GDF5: variants seen among roughly 807,000 people sequenced by gnomAD.
GDF5 encodes growth differentiation factor 5.
GDF5 carries 17 observed loss-of-function variants against 34.6 expected under a neutral mutation model. That is an observed-to-expected ratio of 0.49 (90% CI 0.34 to 0.74). The LOEUF (loss-of-function observed/expected upper bound fraction) is 0.74, where lower values mean the gene tolerates loss of function less well. Among genes scored for constraint, GDF5 ranks in the 30% least tolerant of loss-of-function variants. The probability of loss-of-function intolerance (pLI) is 0.01; values close to 1 mark genes in which losing one functional copy is unlikely to be tolerated. For missense variants in GDF5, 616 were observed against 661.2 expected (o/e 0.93, Z 0.75); for synonymous variants, 332 against 290.7 (o/e 1.14, Z -1.44).
chr20:35,433,835 C>T lies in GDF5; in HGVS notation c.*74G>A, dbSNP rs781341372. 3 of 1,244,312 alleles carry T rather than the reference C, an allele frequency of 2.4e-6. No homozygotes were observed. The highest frequency in any genetic ancestry group is 2.4e-5 in the South Asian group (2 of 82,858). 77.1% of individuals were successfully genotyped at this position (1,244,312 alleles called of 1,614,324 possible). On this transcript the variant is annotated 3_prime_UTR_variant, in exon 2 of 2. Transcript: ENST00000374369. Reference sequence around the variant, plus strand: ...AGATGCTCCTGCCACAGCTTCCTGACCCCTCTGTGATTCCAGGAGTGCAGG... The same window carrying T: ...AGATGCTCCTGCCACAGCTTCCTGATCCCTCTGTGATTCCAGGAGTGCAGG...
Position 35,434,435 on chromosome 20 carries a change from A to C in GDF5, c.980T>G (p.Leu327Arg). ...ERGRAVDLRG[L>R]GFDRAARQVH... ...CTGCCGGGCGGCGCGGTCGAAGCCC[A>C]GGCCACGGAGGTCCACGGCCCTGCC... The change falls in exon 2 of 2, where the codon CTG becomes CGG. Residue 327 changes from leucine to arginine, a missense_variant. Coordinates refer to ENST00000374369, the MANE Select transcript of GDF5 (RefSeq NM_000557.5). The C allele has an allele frequency of 1.9e-6, 3 of 1,613,356 alleles. No homozygotes were observed. The highest frequency in any genetic ancestry group is 2.5e-6 in the Non-Finnish European group (3 of 1,179,740).
chr20:35,445,372 T>TA (rs923895389), intron 1 of GDF5, among the ~76,000 whole-genome samples: 1 of 150,990 alleles, frequency 6.6e-6, no homozygotes, highest in African/African-American at 2.4e-5. Context: ...TCTATAAAAA[T>TA]AAAAAAAACT....
upstream of GDF5, among the ~76,000 whole-genome samples, chr20:35,440,105 C>A (rs6120944): frequency 4.0e-5 from 6 of 151,026 alleles, no homozygotes; most frequent in Admixed American, 1.3e-4. Flanking sequence ...TTAGTAGAGA[C>A]GGAGTTTCAC....
chr20:35,433,404 A>C lies in GDF5; in HGVS notation c.*505T>G. On this transcript the variant is annotated 3_prime_UTR_variant, in exon 2 of 2. Coordinates refer to ENST00000374369, the MANE Select transcript of GDF5 (RefSeq NM_000557.5). Reference sequence around the variant, plus strand: ...ATATACATTTAAATCTAACAGTCTAACAGCCTCACACTCCTCAACTCTATC... The same window carrying C: ...ATATACATTTAAATCTAACAGTCTACCAGCCTCACACTCCTCAACTCTATC... 3.2e-6 allele frequency: 1 copy of C among 311,202 alleles called. No individual in the cohort carries two copies. The highest frequency in any genetic ancestry group is 6.3e-6 in the Non-Finnish European group (1 of 157,654). 19.3% of individuals were successfully genotyped at this position (311,202 alleles called of 1,614,324 possible). A position where few individuals can be genotyped will look rare whatever the true frequency, so the allele number is the denominator to read the frequency against.
chr20:35,446,456 GAGACAGGGTCTCA>G (rs2062514559), intron 1 of GDF5, among the ~76,000 whole-genome samples: 2 of 50,802 alleles, frequency 3.9e-5, no homozygotes, highest in African/African-American at 7.7e-5. Context: ...TTTTTTTTTT[GAGACAGGGTCTCA>G]CTCTGTCATC....
intron 1 of GDF5, 69 bp from the exon 2 acceptor site, chr20:35,434,852 G>A (rs1178236805): frequency 2.0e-6 from 3 of 1,503,038 alleles, no homozygotes; most frequent in Non-Finnish European, 2.8e-6. Flanking sequence ...GAGGCTGCGG[G>A]GGAAGGCCCC....
At chr20:35,451,042 GAAAAAA>G (rs1157980088) in intron 1 of GDF5, among the ~76,000 whole-genome samples, 4 of 16,524 alleles carry the variant, frequency 2.4e-4, no homozygotes, top group Admixed American at 1.2e-3. Flanking sequence ...TAGACTAACA[GAAAAAA>G]AAAAAAAAAA....
chr20:35,452,241 T>C (rs1341960010), intron 1 of GDF5, among the ~76,000 whole-genome samples: 1 of 152,198 alleles, frequency 6.6e-6, no homozygotes, highest in African/African-American at 2.4e-5. Context: ...ATTATTATGT[T>C]TTAATACAAT....
In GDF5 at chr20:35,434,458, G is replaced by A. The variant is rs1304660159; in HGVS notation, c.957C>T (p.Gly319=). 6.2e-7 allele frequency: 1 copy of A among 1,612,846 alleles called. No individual in the cohort carries two copies. The highest frequency in any genetic ancestry group is 1.7e-5 in the Admixed American group (1 of 59,878). ...CCAGGCCACGGAGGTCCACGGCCCTGCCCCGTTCCCAGGCCTCCAGCTCCA... is the reference window on the plus strand; with the variant it reads ...CCAGGCCACGGAGGTCCACGGCCCTACCCCGTTCCCAGGCCTCCAGCTCCA... ...LCLELEAWER[G]RAVDLRGLGF... The change falls in exon 2 of 2, where the codon GGC becomes GGT. Residue 319 remains glycine (G), a synonymous_variant. Coordinates refer to ENST00000374369, the MANE Select transcript of GDF5 (RefSeq NM_000557.5).
chr20:35,451,156 A>C (rs1034019896), intron 1 of GDF5, among the ~76,000 whole-genome samples: 22 of 147,808 alleles, frequency 1.5e-4, no homozygotes, highest in African/African-American at 5.4e-4. Flanking sequence ...ATATATATAT[A>C]TTTTTTAATT....
intron 1 of GDF5, among the ~76,000 whole-genome samples, chr20:35,436,643 T>C (rs1245983120): frequency 6.6e-6 from 1 of 152,136 alleles, no homozygotes; most frequent in Non-Finnish European, 1.5e-5. Context: ...ATCTAAAGTT[T>C]TCATGTTGGA....
In GDF5 at chr20:35,437,976, G is replaced by A. The variant is rs143384; in HGVS notation, c.-48C>T. On this transcript the variant is annotated 5_prime_UTR_variant, in exon 1 of 2. Coordinates refer to ENST00000374369, the MANE Select transcript of GDF5 (RefSeq NM_000557.5). ...CACCAAAGAGAACAGCGGCAGCAGC[G>A]AAGGTGCCTCTGGTTTGGCAGGAAA... is the stretch of plus-strand genomic sequence containing the variant. 0.56 allele frequency: 898,720 copies of A among 1,608,156 alleles called. 262,325 individuals carry two copies. The highest frequency in any genetic ancestry group is 0.74 in the East Asian group (33,192 of 44,794).
chr20:35,450,311 A>AG (rs924708880), intron 1 of GDF5, among the ~76,000 whole-genome samples: 1 of 152,070 alleles, frequency 6.6e-6, no homozygotes, highest in African/African-American at 2.4e-5. Context: ...GTAAAAAAAA[A>AG]AAAAAAGAAT....
rs2062452883 is a variant in GDF5 at position 35,433,678 on chromosome 20, G to T, written c.*231C>A. On this transcript the variant is annotated 3_prime_UTR_variant, in exon 2 of 2. Coordinates refer to ENST00000374369, the MANE Select transcript of GDF5 (RefSeq NM_000557.5). ...AGTCTGTCTCCCTGGACCTGTGCCT[G>T]CCACTGGTCACATCAGCAGACGGGC... is the stretch of plus-strand genomic sequence containing the variant. The T allele has an allele frequency of 1.7e-6, 1 of 597,712 alleles. No individual in the cohort carries two copies. The highest frequency in any genetic ancestry group is 3.0e-6 in the Non-Finnish European group (1 of 328,710). The allele number at this position is 597,712 out of a possible 1,614,324, so 37.0% of individuals were successfully genotyped here. A position where few individuals can be genotyped will look rare whatever the true frequency, so the allele number is the denominator to read the frequency against.
At chr20:35,437,023 C>A (rs981739599) in intron 1 of GDF5, among the ~76,000 whole-genome samples, 1 of 152,260 alleles carries the variant, frequency 6.6e-6, no homozygotes, top group Non-Finnish European at 1.5e-5. Flanking sequence ...AACTCTGCCA[C>A]GAACTGGCAG....
chr20:35,434,796 C>T lies in GDF5; in HGVS notation c.632-13G>A. ...GGACCTCGGTCATCTAGAGAGAACACCCAGAAGTCATTCCCTGCAACCTCA... is the reference window on the plus strand; with the variant it reads ...GGACCTCGGTCATCTAGAGAGAACATCCAGAAGTCATTCCCTGCAACCTCA... On this transcript the variant is annotated splice_polypyrimidine_tract_variant and intron_variant, in intron 1 of 1. Transcript: ENST00000374369. 6.2e-7 allele frequency: 1 copy of T among 1,612,640 alleles called. No individual in the cohort carries two copies. Among genetic ancestry groups the T allele is most frequent in the Non-Finnish European group, 8.5e-7 (1 of 1,179,810 alleles).
chr20:35,434,170 G>T lies in GDF5; in HGVS notation c.1245C>A (p.Asp415Glu). ...LHVNFKDMGW[D>E]DWIIAPLEYE... The stretch of plus-strand genomic sequence containing the variant: ...ACTCAAGGGGTGCGATGATCCAGTC[G>T]TCCCAGCCCATGTCCTTGAAGTTGA... The change falls in exon 2 of 2, where the codon GAC becomes GAA. Residue 415 changes from aspartate (D) to glutamate (E), a missense_variant. Coordinates refer to ENST00000374369, the MANE Select transcript of GDF5 (RefSeq NM_000557.5). The T allele has an allele frequency of 6.2e-7, 1 of 1,614,182 alleles. No individual in the cohort carries two copies. Among genetic ancestry groups the T allele is most frequent in the Non-Finnish European group, 8.5e-7 (1 of 1,180,030 alleles).
chr20:35,454,191 C>T (rs1212079253), intron 1 of GDF5: 3 of 366,670 alleles, frequency 8.2e-6, no homozygotes, highest in Non-Finnish European at 1.1e-5. Flanking sequence ...CGGTGGCTCA[C>T]GCCTGTAATC....
rs199666386 is a variant in GDF5, at chr20:35,437,761, G to A, written c.168C>T (p.Asn56=). The A allele has an allele frequency of 3.5e-5, 56 of 1,612,350 alleles. No homozygotes were observed. The highest frequency in any genetic ancestry group is 2.0e-4 in the East Asian group (9 of 44,852). The change falls in exon 1 of 2, where the codon AAC becomes AAT. Residue 56 remains asparagine, a synonymous_variant. Coordinates refer to ENST00000374369, the MANE Select transcript of GDF5 (RefSeq NM_000557.5). ...EAKERPPLAR[N]VFRPGGHSYG... ...AGCTGTGACCCCCTGGCCTGAAGAC[G>A]TTCCGGGCCAGGGGGGGCCTCTCCT...
Sources: gnomAD v4.1 joint callset for allele counts (sites outside exome capture counted in the v4.1 genomes callset) on GRCh38, gnomAD v4.1.1 for gene constraint, MANE v1.5 for transcripts, NCBI Gene and HGNC (gene_info 2026-07-23, HGNC 2026-07-21) for gene names.